PLA2G2C: variants seen among roughly 807,000 people sequenced by gnomAD.
PLA2G2C encodes putative inactive group IIC secretory phospholipase A2.
PLA2G2C carries 15 observed loss-of-function variants against 14.3 expected under a neutral mutation model. That is an observed-to-expected ratio of 1.05 (90% confidence interval 0.70 to 1.62). PLA2G2C has a LOEUF of 1.62. PLA2G2C is among the 40% of genes most tolerant of loss of function. PLA2G2C has a pLI of 0.00. For missense variants in PLA2G2C, 162 were observed against 173.2 expected, an observed-to-expected ratio of 0.94 and a Z score of 0.36; for synonymous variants, 79 against 67.7, an observed-to-expected ratio of 1.17 and a Z score of -0.82.
intron 2 of PLA2G2C, among the ~76,000 whole-genome samples, chr1:20,177,000 GC>G (rs1415596381): frequency 2.0e-5 from 3 of 152,128 alleles, no homozygotes; most frequent in Non-Finnish European, 4.4e-5. Flanking sequence ...AATCCAAATG[GC>G]CTTAAATAAA....
intron 1 of PLA2G2C, among the ~76,000 whole-genome samples, chr1:20,178,235 G>T (rs1359578510): frequency 6.6e-6 from 1 of 152,206 alleles, no homozygotes; most frequent in Non-Finnish European, 1.5e-5. Context: ...CCATGGAGCT[G>T]CCAGGGATCA....
At chr1:20,164,194 C>T (rs772146681) in intron 4 of PLA2G2C, 37 bp from the exon 5 acceptor site, 11 of 1,589,780 alleles carry the variant, frequency 6.9e-6, no homozygotes, top group African/African-American at 1.3e-5. Flanking sequence ...GGCTCCCAGC[C>T]CAGCCCCAGG....
At chr1:20,171,823 G>A (rs997331463) in intron 4 of PLA2G2C, among the ~76,000 whole-genome samples, 9 of 144,682 alleles carry the variant, frequency 6.2e-5, no homozygotes, top group Non-Finnish European at 7.5e-5. Flanking sequence ...GTGCAGTGGC[G>A]CAATCTCGGC....
chr1:20,172,982 A>T (rs1395659005), intron 3 of PLA2G2C, 85 bp from the exon 4 acceptor site: 1 of 928,398 alleles, frequency 1.1e-6, no homozygotes, highest in African/African-American at 1.7e-5. Context: ...CTAGGCAAGA[A>T]GGCATTGAAG....
intron 4 of PLA2G2C, among the ~76,000 whole-genome samples, chr1:20,167,936 C>T (rs1464811735): frequency 6.6e-6 from 1 of 152,190 alleles, no homozygotes; most frequent in East Asian, 1.9e-4. Context: ...AGCACTTGGC[C>T]CTGTTTGAAT....
chr1:20,184,960 C>A (rs2018341799), intron 1 of PLA2G2C, among the ~76,000 whole-genome samples: 1 of 152,006 alleles, frequency 6.6e-6, no homozygotes, highest in Non-Finnish European at 1.5e-5. Context: ...TCAAGACCAC[C>A]CTCAGCAACA....
At chr1:20,173,177 A>C (rs2018119002) in intron 3 of PLA2G2C, among the ~76,000 whole-genome samples, 1 of 149,932 alleles carries the variant, frequency 6.7e-6, no homozygotes. Flanking sequence ...AAAGCCAGGC[A>C]TGGTGGCACC....
At chr1:20,172,324 A>G (rs2018096896) in intron 4 of PLA2G2C, among the ~76,000 whole-genome samples, 1 of 152,014 alleles carries the variant, frequency 6.6e-6, no homozygotes, top group African/African-American at 2.4e-5. Flanking sequence ...TCTCAGTAAC[A>G]TGTGAGTCCC....
At chr1:20,166,363 T>G (rs1261600261) in intron 4 of PLA2G2C, among the ~76,000 whole-genome samples, 1 of 152,096 alleles carries the variant, frequency 6.6e-6, no homozygotes, top group African/African-American at 2.4e-5. Flanking sequence ...GCTCTCCGGT[T>G]TTGCGGCTCC....
chr1:20,163,285 G>C lies in PLA2G2C; in HGVS notation c.*706C>G, dbSNP rs374802184. 1 of 152,346 alleles carries C rather than the reference G, an allele frequency of 6.6e-6. No individual in the cohort carries two copies. Among genetic ancestry groups the C allele is most frequent in the South Asian group, 2.1e-4 (1 of 4,822 alleles). The allele number at this position is 152,346 out of a possible 1,614,324, so 9.4% of individuals were successfully genotyped here. On this transcript the variant is annotated 3_prime_UTR_variant, in exon 5 of 5. Coordinates refer to ENST00000679259, the MANE Select transcript of PLA2G2C (RefSeq NM_001367969.2). The stretch of plus-strand genomic sequence containing the variant: ...CTAGCCCAGGCTTTTTTGCAGGGTG[G>C]GGGCAGCTGTCCTAAGAGAGAGTAG...
intron 2 of PLA2G2C, among the ~76,000 whole-genome samples, chr1:20,176,125 G>T (rs1465503741): frequency 2.0e-5 from 3 of 151,960 alleles, no homozygotes; most frequent in Admixed American, 1.3e-4. Flanking sequence ...TGGCCAGCTG[G>T]CCAGGCTGGT....
Position 20,163,873 on chromosome 1 carries a change from C to T in PLA2G2C, c.*118G>A. 2 of 1,164,914 alleles carry T rather than the reference C, an allele frequency of 1.7e-6. No individual in the cohort carries two copies. Among genetic ancestry groups the T allele is most frequent in the East Asian group, 2.6e-5 (1 of 37,934 alleles). The allele number at this position is 1,164,914 out of a possible 1,614,324, so 72.2% of individuals were successfully genotyped here. ...GAAGGGTGAGCTGCCCTGCGGGAGA[C>T]ATTTTGTCCTCCCTCCCAGTGGAAG... On this transcript the variant is annotated 3_prime_UTR_variant, in exon 5 of 5. Coordinates refer to ENST00000679259, the MANE Select transcript of PLA2G2C (RefSeq NM_001367969.2).
At chr1:20,178,659 C>T (rs906070341) in intron 1 of PLA2G2C, among the ~76,000 whole-genome samples, 11 of 152,066 alleles carry the variant, frequency 7.2e-5, no homozygotes, top group East Asian at 3.9e-4. Flanking sequence ...GTTTAGCCCA[C>T]GAAAAAGGGG....
chr1:20,169,704 T>A (rs1053664701), intron 4 of PLA2G2C, among the ~76,000 whole-genome samples: 1 of 152,210 alleles, frequency 6.6e-6, no homozygotes, highest in East Asian at 1.9e-4. Context: ...TAGCTAATCC[T>A]TCCAGCAGCC....
intron 4 of PLA2G2C, among the ~76,000 whole-genome samples, chr1:20,165,793 T>A (rs2017968013): frequency 6.6e-6 from 1 of 151,954 alleles, no homozygotes; most frequent in East Asian, 1.9e-4. Flanking sequence ...TGTGTGTGCG[T>A]GCATTGTGTG....
At chr1:20,177,854 A>G (rs2018212974) in intron 1 of PLA2G2C, among the ~76,000 whole-genome samples, 1 of 152,176 alleles carries the variant, frequency 6.6e-6, no homozygotes, top group African/African-American at 2.4e-5. Flanking sequence ...CATCATATTC[A>G]TCAACTTTAC....
chr1:20,168,298 G>A (rs147655530), intron 4 of PLA2G2C, among the ~76,000 whole-genome samples: 119 of 152,314 alleles, frequency 7.8e-4, no homozygotes, highest in African/African-American at 2.7e-3. Context: ...AAACAAACAA[G>A]TATTGAGTTC....
chr1:20,183,090 C>T (rs934931168), intron 1 of PLA2G2C, among the ~76,000 whole-genome samples: 1 of 152,200 alleles, frequency 6.6e-6, no homozygotes, highest in African/African-American at 2.4e-5. Context: ...GAGCTCATAA[C>T]CTACTGAAGG....
intron 1 of PLA2G2C, among the ~76,000 whole-genome samples, chr1:20,179,254 GT>G (rs1237725821): frequency 6.6e-6 from 1 of 151,518 alleles, no homozygotes; most frequent in African/African-American, 2.4e-5. Flanking sequence ...GTTCTTCTGT[GT>G]CAGCTTCTCC....
Sources: allele counts gnomAD v4.1 joint callset (sites outside exome capture counted in the v4.1 genomes callset), GRCh38; gene constraint gnomAD v4.1.1; transcripts MANE v1.5; gene names NCBI Gene and HGNC (gene_info 2026-07-23, HGNC 2026-07-21).